The following RGS12 variants were observed in gnomAD, a reference collection of about 807,000 sequenced individuals.
RGS12 encodes regulator of G-protein signaling 12.
In RGS12, 66 loss-of-function variants were observed where a neutral mutation model predicts 120.1. The observed-to-expected ratio is 0.55, with a 90% CI of 0.45 to 0.67. The LOEUF is 0.67. Ranked by LOEUF, RGS12 falls within the 30% of genes least tolerant of loss-of-function variation. The pLI is 0.00. For synonymous variants in RGS12, 827 were observed against 804.7 expected (o/e 1.03, Z -0.47); for missense variants, 1,859 against 1,957.7 (o/e 0.95, Z 0.95).
chr4:3,301,170 T>A (rs965276772), intron 1 of RGS12, among the ~76,000 whole-genome samples: 38 of 150,896 alleles, frequency 2.5e-4, no homozygotes, highest in Non-Finnish European at 4.9e-4. Flanking sequence ...CCGGCTGCCC[T>A]CCTCTGTAAC....
chr4:3,396,784 C>T (rs1720081625), intron 4 of RGS12, among the ~76,000 whole-genome samples: 1 of 152,196 alleles, frequency 6.6e-6, no homozygotes, highest in African/African-American at 2.4e-5. Context: ...AAGTCACTGG[C>T]AGCTTTCCAG....
At chr4:3,362,528 G>A (rs556996867) in intron 3 of RGS12, among the ~76,000 whole-genome samples, 1 of 140,234 alleles carries the variant, frequency 7.1e-6, no homozygotes, top group African/African-American at 2.8e-5. Flanking sequence ...GTGTGAGGGT[G>A]TGTTGTGAGG....
chr4:3,343,136 T>C, intron 3 of RGS12, 83 bp downstream of exon 3: 2 of 977,468 alleles, frequency 2.0e-6, no homozygotes, highest in Non-Finnish European at 3.2e-6. Context: ...CTGGCTGTTT[T>C]TTGAGTCCCT....
chr4:3,432,090 A>G, intron 17 of RGS12: 1 of 984,134 alleles, frequency 1.0e-6, no homozygotes, highest in African/African-American at 1.8e-5. Context: ...GTCCCCCTCC[A>G]TCCGTCTTGG....
chr4:3,431,253 C>T (rs1344140655), intron 17 of RGS12: 6 of 1,277,246 alleles, frequency 4.7e-6, no homozygotes, highest in Non-Finnish European at 5.9e-6. Context: ...CTGGGAACAC[C>T]CTGGGTGAGG....
chr4:3,430,780 C>A lies in RGS12; in HGVS notation c.3939C>A (p.Thr1313=), dbSNP rs535010893. 1 of 1,611,456 alleles carries A rather than the reference C, an allele frequency of 6.2e-7. No individual in the cohort carries two copies. Among genetic ancestry groups the A allele is most frequent in the Non-Finnish European group, 8.5e-7 (1 of 1,179,258 alleles). The change falls in exon 17 of 18, where the codon ACC becomes ACA. Residue 1313 remains threonine, a synonymous_variant. Transcript: ENST00000336727. ...QSPVSLAQEG[T]AQIWKRQSQE... is the part of the protein sequence containing the mutation. ...CCGTCTCCCTCGCGCAGGAGGGCAC[C>A]GCCCAGATCTGGAAGAGGCAGTCTC... is the stretch of plus-strand genomic sequence containing the variant.
At chr4:3,362,859 G>A (rs1246595687) in intron 3 of RGS12, among the ~76,000 whole-genome samples, 3 of 124,886 alleles carry the variant, frequency 2.4e-5, no homozygotes, top group African/African-American at 1.0e-4. Flanking sequence ...GAGGGTGTGT[G>A]TGTGCGAGGG....
At chr4:3,420,085 ATAGT>A (rs1188039104) in intron 9 of RGS12, among the ~76,000 whole-genome samples, 3 of 152,194 alleles carry the variant, frequency 2.0e-5, no homozygotes, top group Non-Finnish European at 2.9e-5. Flanking sequence ...GCCTAAGAAT[ATAGT>A]TAGTTGAGGT....
intron 4 of RGS12, among the ~76,000 whole-genome samples, chr4:3,401,052 G>T (rs999158102): frequency 6.6e-6 from 1 of 152,046 alleles, no homozygotes; most frequent in South Asian, 2.1e-4. Flanking sequence ...ATACAAAACC[G>T]AAAGCATAGC....
At chr4:3,347,963 C>T (rs1018733333) in intron 3 of RGS12, among the ~76,000 whole-genome samples, 5 of 152,170 alleles carry the variant, frequency 3.3e-5, no homozygotes, top group South Asian at 2.1e-4. Context: ...TCTAGCATCA[C>T]GTATCATTTT....
At chr4:3,309,593 A>G (rs1293341549) in intron 1 of RGS12, among the ~76,000 whole-genome samples, 36 of 58,154 alleles carry the variant, frequency 6.2e-4, no homozygotes, top group Admixed American at 7.8e-4. Context: ...AACTGTGTTG[A>G]GGAGGAGCTG....
chr4:3,347,312 T>C (rs1189921760), intron 3 of RGS12, among the ~76,000 whole-genome samples: 10 of 151,948 alleles, frequency 6.6e-5, no homozygotes, highest in African/African-American at 2.4e-5. Flanking sequence ...GGCGTGGTGG[T>C]GGGCGCCTGT....
At chr4:3,310,645 C>T (rs1724332728) in intron 1 of RGS12, among the ~76,000 whole-genome samples, 1 of 150,686 alleles carries the variant, frequency 6.6e-6, no homozygotes, top group Non-Finnish European at 1.5e-5. Flanking sequence ...CTGCATGGGG[C>T]GGGTATCAGA....
chr4:3,390,138 A>G lies in RGS12; in HGVS notation c.2020+3701A>G, dbSNP rs901800265. ...CCAGCTCAGAGCCCCTGTTCCCCCA[A>G]CCATCCTGCGTCCCACCCTGGTCTC... On this transcript the variant is annotated intron_variant, in intron 4 of 17. Coordinates refer to ENST00000336727, the MANE Select transcript of RGS12 (RefSeq NM_001394154.1). The surrounding 1 kb of genome is among the most constrained non-coding windows in gnomAD (Gnocchi z 4.6). Among the ~76,000 whole-genome samples the G allele has an allele frequency of 4.0e-5, 6 of 151,810 alleles. No homozygotes were observed. The highest frequency in any genetic ancestry group is 1.5e-4 in the African/African-American group (6 of 41,292).
intron 3 of RGS12, chr4:3,370,128 G>T: frequency 6.8e-7 from 1 of 1,469,540 alleles, no homozygotes; most frequent in East Asian, 2.4e-5. Context: ...GCTTCCTGCA[G>T]TGTCCTGTTG....
At chr4:3,293,750 G>A (rs551686383) in intron 1 of RGS12, among the ~76,000 whole-genome samples, 2 of 152,110 alleles carry the variant, frequency 1.3e-5, no homozygotes, top group South Asian at 2.1e-4. Context: ...AGTATAAACA[G>A]TGGAGTGTAG....
chr4:3,304,835 G>T (rs1327096807), intron 1 of RGS12, among the ~76,000 whole-genome samples: 1 of 152,238 alleles, frequency 6.6e-6, no homozygotes, highest in Non-Finnish European at 1.5e-5. Context: ...GAGCTATTTT[G>T]CATCACGTGG....
chr4:3,370,075 G>C (rs1391685134), intron 3 of RGS12: 5 of 1,279,104 alleles, frequency 3.9e-6, no homozygotes, highest in South Asian at 6.3e-5. Flanking sequence ...TCTTTCTTTG[G>C]ATGAGACAAT....
intron 3 of RGS12, among the ~76,000 whole-genome samples, chr4:3,356,452 A>G (rs1377626121): frequency 6.6e-6 from 1 of 152,094 alleles, no homozygotes; most frequent in East Asian, 1.9e-4. Context: ...CTCTTTCATA[A>G]TGTGCAACCA....
Sources: allele counts gnomAD v4.1 joint callset (sites outside exome capture counted in the v4.1 genomes callset), GRCh38; gene constraint gnomAD v4.1.1; non-coding constraint Gnocchi (gnomAD v3.1); transcripts MANE v1.5; gene names NCBI Gene and HGNC (gene_info 2026-07-23, HGNC 2026-07-21).